MGA: variants seen among roughly 807,000 people sequenced by gnomAD.
The protein encoded by MGA is MAX gene-associated protein.
In MGA, 40 loss-of-function variants were observed where a neutral mutation model predicts 261.1. The observed-to-expected ratio is 0.15, with a 90% CI of 0.12 to 0.20. The LOEUF (loss-of-function observed/expected upper bound fraction) is 0.20. Ranked by LOEUF, MGA falls within the 10% of genes least tolerant of loss-of-function variation. The pLI is 1.00. For missense variants in MGA, 3,397 were observed against 3,630.5 expected (o/e 0.94, Z 1.65); for synonymous variants, 1,302 against 1,290.6 (o/e 1.01, Z -0.19).
At chr15:41,756,068 TTTAA>T (rs529384850) in intron 18 of MGA, among the ~76,000 whole-genome samples, 6 of 152,088 alleles carry the variant, frequency 3.9e-5, no homozygotes, top group South Asian at 4.1e-4. Context: ...ATTGTTTAAA[TTTAA>T]TTAAAAATAC....
intron 7 of MGA, 51 bp downstream of exon 7, chr15:41,708,259 AC>A: frequency 7.9e-7 from 1 of 1,264,872 alleles, no homozygotes; most frequent in Non-Finnish European, 1.1e-6. Flanking sequence ...GTAGCCAGAA[AC>A]CTTTTGTTAA....
chr15:41,764,808 T>C (rs1323256524), intron 22 of MGA, 78 bp from the exon 23 acceptor site: 21 of 1,430,664 alleles, frequency 1.5e-5, no homozygotes, highest in Non-Finnish European at 1.6e-5. Flanking sequence ...CCTCCCAAAG[T>C]GCTGGGATTA....
At chr15:41,753,529 C>G (rs1378625999) in intron 17 of MGA, among the ~76,000 whole-genome samples, 1 of 152,144 alleles carries the variant, frequency 6.6e-6, no homozygotes, top group Non-Finnish European at 1.5e-5. Context: ...GCTCAGTAAA[C>G]ACTTTGACTC....
chr15:41,703,966 C>A (rs1026652103), intron 5 of MGA, among the ~76,000 whole-genome samples: 1 of 152,064 alleles, frequency 6.6e-6, no homozygotes, highest in Non-Finnish European at 1.5e-5. Flanking sequence ...TGCCACCACA[C>A]CTGGCTAATT....
At chr15:41,729,453 A>G in intron 11 of MGA, 104 bp downstream of exon 11, 2 of 1,121,752 alleles carry the variant, frequency 1.8e-6, no homozygotes. Flanking sequence ...AGGGCAGAGA[A>G]GTCATACATG....
At chr15:41,705,082 T>C (rs900280344) in intron 5 of MGA, among the ~76,000 whole-genome samples, 1 of 152,214 alleles carries the variant, frequency 6.6e-6, no homozygotes, top group African/African-American at 2.4e-5. Context: ...TTTCTATGAA[T>C]TATTCAGCCA....
intron 1 of MGA, among the ~76,000 whole-genome samples, chr15:41,635,524 C>T (rs1160973877): frequency 2.0e-5 from 3 of 151,836 alleles, no homozygotes; most frequent in Admixed American, 6.6e-5. Flanking sequence ...GACCCCCCCC[C>T]TCCTATAAAA....
intron 1 of MGA, among the ~76,000 whole-genome samples, chr15:41,662,734 C>G (rs984536916): frequency 1.3e-5 from 2 of 152,170 alleles, no homozygotes; most frequent in Non-Finnish European, 2.9e-5. Context: ...TGGCTAAATA[C>G]TGAAATCTGA....
intron 11 of MGA, among the ~76,000 whole-genome samples, chr15:41,733,119 C>T (rs1227784423): frequency 2.6e-5 from 4 of 152,050 alleles, no homozygotes; most frequent in African/African-American, 4.8e-5. Context: ...CCACCATGCC[C>T]GGCTAATTTC....
chr15:41,627,987 C>T (rs7168386), intron 1 of MGA, among the ~76,000 whole-genome samples: 1 of 152,230 alleles, frequency 6.6e-6, no homozygotes, highest in African/African-American at 2.4e-5. Context: ...ATGAGCCCTA[C>T]TGCGTGCCAG....
intron 1 of MGA, among the ~76,000 whole-genome samples, chr15:41,666,504 A>G (rs991858753): frequency 6.6e-6 from 1 of 152,196 alleles, no homozygotes; most frequent in Non-Finnish European, 1.5e-5. Flanking sequence ...GGATGATGGG[A>G]TCATTAGAAG....
chr15:41,749,571 A>G lies in MGA; in HGVS notation c.5964A>G (p.Gln1988=). 2.5e-6 allele frequency: 4 copies of G among 1,613,994 alleles called. No homozygotes were observed. The highest frequency in any genetic ancestry group is 3.4e-6 in the Non-Finnish European group (4 of 1,179,892). The stretch of plus-strand genomic sequence containing the variant: ...AAACAAACTCAATAAAAAGAGAGCA[A>G]GAAACGAAGAAGGTTCTACAGTCAG... The change falls in exon 17 of 24, where the codon CAA becomes CAG. Residue 1988 remains glutamine (Q), a synonymous_variant. Coordinates refer to ENST00000219905, the MANE Select transcript of MGA (RefSeq NM_001164273.2).
At chr15:41,760,212 C>A in intron 19 of MGA, 111 bp from the exon 20 acceptor site, 1 of 972,690 alleles carries the variant, frequency 1.0e-6, no homozygotes. Context: ...GCTGTTACAA[C>A]AGTCCAGACA....
chr15:41,751,198 G>A (rs1018027126), intron 17 of MGA: 1 of 151,824 alleles, frequency 6.6e-6, no homozygotes, highest in Non-Finnish European at 1.5e-5. Context: ...GACCTTTATG[G>A]CCTATTTTTA....
At chr15:41,641,397 G>A (rs976824370) in intron 1 of MGA, among the ~76,000 whole-genome samples, 2 of 151,524 alleles carry the variant, frequency 1.3e-5, no homozygotes, top group Non-Finnish European at 2.9e-5. Context: ...TTAACTTCTC[G>A]AGAAACTGCC....
chr15:41,707,934 C>G lies in MGA; in HGVS notation c.2320+75C>G, dbSNP rs534898438. On this transcript the variant is annotated intron_variant, in intron 6 of 23. Coordinates refer to ENST00000219905, the MANE Select transcript of MGA (RefSeq NM_001164273.2). ...CGTTATTTGTAACGTAAGTAAAAAG[C>G]TACCTTTATTGGTGACATTTAACAT... The G allele has an allele frequency of 2.4e-5, 36 of 1,525,458 alleles. No homozygotes were observed. The Admixed American group carries it at 6.5e-4, about 28-fold the overall frequency. 94.5% of individuals were successfully genotyped at this position (1,525,458 alleles called of 1,614,324 possible). A position where few individuals can be genotyped will look rare whatever the true frequency, so the allele number is the denominator to read the frequency against.
chr15:41,737,701 C>T (rs2061862333), intron 13 of MGA, among the ~76,000 whole-genome samples: 1 of 152,136 alleles, frequency 6.6e-6, no homozygotes. Flanking sequence ...GTTTTTCTAG[C>T]TGAGCGCAGT....
chr15:41,746,192 A>C lies in MGA; in HGVS notation c.5213-2445A>C, dbSNP rs565004283. Reference sequence around the variant, plus strand: ...GAATCACTCTCTAAAAGTTAATTTGAAGAAAAAAGTTGAAAAATTAAGAAT... The same window carrying C: ...GAATCACTCTCTAAAAGTTAATTTGCAGAAAAAAGTTGAAAAATTAAGAAT... On this transcript the variant is annotated intron_variant, in intron 15 of 23. Coordinates refer to ENST00000219905, the MANE Select transcript of MGA (RefSeq NM_001164273.2). 5.9e-5 allele frequency among the ~76,000 whole-genome samples: 9 copies of C among 152,320 alleles called. No individual in the cohort carries two copies. In the South Asian group the frequency reaches 1.9e-3, roughly 32 times the overall value.
chr15:41,631,897 T>A (rs2056596416), intron 1 of MGA, among the ~76,000 whole-genome samples: 1 of 152,188 alleles, frequency 6.6e-6, no homozygotes. Flanking sequence ...TCTTTTTTTT[T>A]AAATGGCAAG....
Sources: allele counts gnomAD v4.1 joint callset (sites outside exome capture counted in the v4.1 genomes callset), GRCh38; gene constraint gnomAD v4.1.1; transcripts MANE v1.5; gene names NCBI Gene and HGNC (gene_info 2026-07-23, HGNC 2026-07-21).